EYA4: variants seen among roughly 807,000 people sequenced by gnomAD.
EYA4 encodes the protein EYA transcriptional coactivator and phosphatase 4.
In EYA4, 31 loss-of-function variants were observed where a neutral mutation model predicts 87.9. The ratio of observed to expected loss-of-function variants is 0.35; its 90% CI spans 0.27 to 0.48. The LOEUF (loss-of-function observed/expected upper bound fraction) is 0.48. EYA4 is among the 20% of genes least tolerant of loss of function. EYA4 has a pLI of 0.99. For missense variants in EYA4, 678 were observed against 761.4 expected, an observed-to-expected ratio of 0.89 and a Z score of 1.29; for synonymous variants, 263 against 270.6, an observed-to-expected ratio of 0.97 and a Z score of 0.28.
intron 3 of EYA4, among the ~76,000 whole-genome samples, chr6:133,405,895 A>G (rs1345533319): frequency 1.3e-5 from 2 of 152,088 alleles, no homozygotes; most frequent in Non-Finnish European, 2.9e-5. Flanking sequence ...GTCTGGGAGA[A>G]GAGTCCCAGG....
At chr6:133,428,911 C>CTTCTT (rs1790919538) in intron 3 of EYA4, among the ~76,000 whole-genome samples, 1 of 48,232 alleles carries the variant, frequency 2.1e-5, no homozygotes, top group Non-Finnish European at 3.6e-5. Flanking sequence ...GATTTAGCTT[C>CTTCTT]TTTTTTTTTT....
chr6:133,420,246 C>T (rs1045071940), intron 3 of EYA4, among the ~76,000 whole-genome samples: 1 of 152,112 alleles, frequency 6.6e-6, no homozygotes, highest in African/African-American at 2.4e-5. Context: ...TATTCAGTAT[C>T]CCCTCTGGGC....
chr6:133,519,188 A>G (rs1799877389), intron 17 of EYA4, among the ~76,000 whole-genome samples: 1 of 151,160 alleles, frequency 6.6e-6, no homozygotes, highest in Non-Finnish European at 1.5e-5. Context: ...AAAACCTTCA[A>G]AAAATTAATG....
At chr6:133,289,811 T>G (rs1212437335) in intron 2 of EYA4, among the ~76,000 whole-genome samples, 1 of 152,188 alleles carries the variant, frequency 6.6e-6, no homozygotes, top group East Asian at 1.9e-4. Flanking sequence ...TGCTCAGACT[T>G]CTTCAGAATA....
intron 14 of EYA4, chr6:133,510,717 A>G (rs1799069544): frequency 6.2e-6 from 1 of 161,972 alleles, no homozygotes; most frequent in Admixed American, 6.5e-5. Flanking sequence ...CAGTCTCTGC[A>G]CTCTTCTCTC....
chr6:133,322,193 ATCATT>A (rs1781143889), intron 2 of EYA4, among the ~76,000 whole-genome samples: 1 of 152,192 alleles, frequency 6.6e-6, no homozygotes, highest in South Asian at 2.1e-4. Context: ...AAGTGACTAT[ATCATT>A]TAATATTCAC....
intron 5 of EYA4, among the ~76,000 whole-genome samples, chr6:133,451,754 A>T (rs1419770769): frequency 6.6e-6 from 1 of 152,194 alleles, no homozygotes; most frequent in Non-Finnish European, 1.5e-5. Context: ...CTACATGGAG[A>T]TTAAGAAACA....
chr6:133,258,202 A>G (rs529572731), intron 1 of EYA4, among the ~76,000 whole-genome samples: 5 of 152,270 alleles, frequency 3.3e-5, no homozygotes, highest in African/African-American at 1.2e-4. Flanking sequence ...CCTGGGGCAT[A>G]GAGTGGGGAC....
intron 13 of EYA4, among the ~76,000 whole-genome samples, chr6:133,493,900 A>C (rs1797404622): frequency 6.6e-6 from 1 of 152,218 alleles, no homozygotes; most frequent in Non-Finnish European, 1.5e-5. Flanking sequence ...TAAGACACTT[A>C]AAATGGTTTG....
At chr6:133,364,586 T>A (rs1025719206) in intron 2 of EYA4, among the ~76,000 whole-genome samples, 3 of 152,228 alleles carry the variant, frequency 2.0e-5, no homozygotes, top group African/African-American at 4.8e-5. Flanking sequence ...TTCTGCTAAT[T>A]CTTAACAGAT....
At chr6:133,305,379 G>A (rs928126108) in intron 2 of EYA4, among the ~76,000 whole-genome samples, 6 of 152,190 alleles carry the variant, frequency 3.9e-5, no homozygotes, top group African/African-American at 9.7e-5. Flanking sequence ...AGGGCACGAG[G>A]AAGACCGGTT....
In EYA4 at chr6:133,456,229, G is replaced by C. The variant is rs567683530; in HGVS notation, c.278-327G>C. On this transcript the variant is annotated intron_variant, in intron 5 of 19. Coordinates refer to ENST00000355286, the MANE Select transcript of EYA4 (RefSeq NM_004100.5). Reference sequence around the variant, plus strand: ...TATAATTTTAATTAAATGTGCTGAAGACTGATGATGATTCCTTCTTTCCTA... The same window carrying C: ...TATAATTTTAATTAAATGTGCTGAACACTGATGATGATTCCTTCTTTCCTA... Among the ~76,000 whole-genome samples, 5 of 152,292 alleles carry C rather than the reference G, an allele frequency of 3.3e-5. No individual in the cohort carries two copies. In the South Asian group the frequency reaches 1.0e-3, roughly 32 times the overall value.
intron 2 of EYA4, among the ~76,000 whole-genome samples, chr6:133,292,201 G>C (rs114530607): frequency 6.6e-6 from 1 of 152,204 alleles, no homozygotes; most frequent in South Asian, 2.1e-4. Flanking sequence ...GACACATTCC[G>C]TTGCACAAAA....
At chr6:133,241,164 C>G (rs116193778), upstream of EYA4, among the ~76,000 whole-genome samples, 4,258 of 152,118 alleles carry the variant, frequency 0.028, 181 homozygotes, top group African/African-American at 0.093. Flanking sequence ...GGCAGTCACC[C>G]GAGGTCAAAT....
At chr6:133,494,674 CA>C (rs369090290) in intron 13 of EYA4, among the ~76,000 whole-genome samples, 4,717 of 113,014 alleles carry the variant, frequency 0.042, 209 homozygotes, top group African/African-American at 0.14. Context: ...CCTGCCTCTA[CA>C]AAAAAAAAAA....
chr6:133,434,339 C>G (rs1162767125), intron 3 of EYA4, among the ~76,000 whole-genome samples: 1 of 152,158 alleles, frequency 6.6e-6, no homozygotes, highest in Non-Finnish European at 1.5e-5. Flanking sequence ...AAAGGGCTGC[C>G]TCTTAAGAAA....
intron 2 of EYA4, among the ~76,000 whole-genome samples, chr6:133,377,973 T>G (rs1396835215): frequency 1.5e-5 from 1 of 66,776 alleles, no homozygotes; most frequent in East Asian, 5.1e-4. Flanking sequence ...TTATATTATG[T>G]TCACACACAC....
chr6:133,383,017 T>C (rs757193938), intron 3 of EYA4, among the ~76,000 whole-genome samples: 7 of 151,706 alleles, frequency 4.6e-5, no homozygotes, highest in Non-Finnish European at 1.0e-4. Flanking sequence ...CAGATTTTTT[T>C]AGACCTACAC....
chr6:133,396,782 C>T (rs1217027753), intron 3 of EYA4, among the ~76,000 whole-genome samples: 2 of 152,072 alleles, frequency 1.3e-5, no homozygotes, highest in African/African-American at 4.8e-5. Context: ...ATTGGTATTT[C>T]TCCAAAGGGG....
Sources: gnomAD v4.1 joint callset for allele counts (sites outside exome capture counted in the v4.1 genomes callset) on GRCh38, gnomAD v4.1.1 for gene constraint, MANE v1.5 for transcripts, NCBI Gene and HGNC (gene_info 2026-07-23, HGNC 2026-07-21) for gene names.